Variants in FAM13B observed in about 807,000 individuals in gnomAD.
FAM13B encodes the protein family with sequence similarity 13 member B, also known as protein FAM13B.
A neutral mutation model predicts 117.3 loss-of-function variants in FAM13B; 60 were observed. The ratio of observed to expected loss-of-function variants is 0.51; its 90% confidence interval spans 0.42 to 0.63. The LOEUF (loss-of-function observed/expected upper bound fraction) is 0.63. Ranked by LOEUF, FAM13B falls within the 30% of genes least tolerant of loss-of-function variation. The pLI is 0.00. For missense variants in FAM13B, 972 were observed against 1,091.9 expected (o/e 0.89, Z 1.55); for synonymous variants, 332 against 356.1 (o/e 0.93, Z 0.76).
At chr5:137,960,115 G>A (rs368746354) in intron 12 of FAM13B, 51 bp downstream of exon 12, 56 of 1,125,578 alleles carry the variant, frequency 5.0e-5, no homozygotes, top group Admixed American at 1.8e-4. Context: ...AGACATAACA[G>A]TTTAAACCTA....
At position 137,987,521 on chromosome 5, in the gene FAM13B, C is replaced by T; in HGVS notation, c.986G>A (p.Ser329Asn). 1 of 1,613,524 alleles carries T rather than the reference C, an allele frequency of 6.2e-7. No individual in the cohort carries two copies. Among genetic ancestry groups the T allele is most frequent in the South Asian group, 1.1e-5 (1 of 91,022 alleles). Residue 329 changes from serine (S) to asparagine (N), a missense_variant, in exon 9 of 24, where the codon AGT becomes AAT. Transcript: ENST00000689681. Reference sequence around the variant, plus strand: ...TTCTGCTTCATTATTACACACCACACTTTGCTGTTGTAAATTCTTAAGATC... The same window carrying T: ...TTCTGCTTCATTATTACACACCACATTTTGCTGTTGTAAATTCTTAAGATC... Reference protein sequence around the residue: ...DHDLKNLQQQSVVCNNEAESI... With the variant: ...DHDLKNLQQQNVVCNNEAESI...
chr5:138,028,091 C>G (rs1788913264), intron 1 of FAM13B, among the ~76,000 whole-genome samples: 1 of 152,200 alleles, frequency 6.6e-6, no homozygotes, highest in South Asian at 2.1e-4. Flanking sequence ...TAAGTTCATA[C>G]TGGCTTGGCC....
At chr5:137,986,434 C>A (rs1172154041) in intron 9 of FAM13B, among the ~76,000 whole-genome samples, 2 of 56,604 alleles carry the variant, frequency 3.5e-5, no homozygotes, top group East Asian at 4.5e-3. Flanking sequence ...CTTCCCCCCC[C>A]CAAAAAAAAT....
At chr5:137,993,958 G>A (rs971165962) in intron 7 of FAM13B, among the ~76,000 whole-genome samples, 4 of 152,070 alleles carry the variant, frequency 2.6e-5, no homozygotes, top group Non-Finnish European at 5.9e-5. Flanking sequence ...ACTGGCCTAG[G>A]TCTATATCCA....
At chr5:138,035,466 C>T (rs1237840251), upstream of FAM13B, among the ~76,000 whole-genome samples, 1 of 152,158 alleles carries the variant, frequency 6.6e-6, no homozygotes, top group Non-Finnish European at 1.5e-5. Context: ...GTATGTTCAA[C>T]ATAGGGGCCA....
chr5:137,941,240 A>T (rs1039798965), intron 23 of FAM13B, among the ~76,000 whole-genome samples: 2 of 151,858 alleles, frequency 1.3e-5, no homozygotes, highest in Non-Finnish European at 2.9e-5. Flanking sequence ...ATATGTGCCA[A>T]CCTATATAGG....
intron 1 of FAM13B, among the ~76,000 whole-genome samples, chr5:138,040,132 C>T (rs554138159): frequency 7.2e-5 from 11 of 151,758 alleles, no homozygotes; most frequent in African/African-American, 2.2e-4. Flanking sequence ...GGCGTAGTGG[C>T]GCATGCCTGT....
chr5:137,977,587 G>T (rs550626730), intron 10 of FAM13B, among the ~76,000 whole-genome samples: 2 of 152,276 alleles, frequency 1.3e-5, no homozygotes, highest in East Asian at 1.9e-4. Flanking sequence ...AAATAGAAAA[G>T]AACCTACATG....
At chr5:137,992,512 T>A (rs1778868759) in intron 7 of FAM13B, among the ~76,000 whole-genome samples, 2 of 152,014 alleles carry the variant, frequency 1.3e-5, no homozygotes, top group South Asian at 4.1e-4. Context: ...GGGAATCACT[T>A]GAACCCGGGA....
At chr5:138,014,479 G>C (rs1784803738) in intron 4 of FAM13B, among the ~76,000 whole-genome samples, 1 of 152,228 alleles carries the variant, frequency 6.6e-6, no homozygotes, top group African/African-American at 2.4e-5. Flanking sequence ...GATGCCTAAT[G>C]ATCTGAGTTG....
Position 137,996,330 on chromosome 5 carries a change from G to A in FAM13B, c.849-8015C>T, listed in dbSNP as rs1236234680. The stretch of plus-strand genomic sequence containing the variant: ...TTTTTTTTGTATTTTTAGTAGAGAC[G>A]GGGTTTCACCACGTTAGCCAGGATG... On this transcript the variant is annotated intron_variant, in intron 7 of 23. Transcript: ENST00000689681. Among the ~76,000 whole-genome samples, 4 of 151,712 alleles carry A rather than the reference G, an allele frequency of 2.6e-5. No homozygotes were observed. The East Asian group carries it at 5.8e-4, about 22-fold the overall frequency.
chr5:138,023,631 G>A (rs1205548422), intron 1 of FAM13B, among the ~76,000 whole-genome samples: 1 of 151,976 alleles, frequency 6.6e-6, no homozygotes, highest in Non-Finnish European at 1.5e-5. Context: ...TGGCATATGC[G>A]ATCACAGCTC....
rs1777541778 is a variant in FAM13B at position 137,987,516 on chromosome 5, C to A, written c.991G>T (p.Val331Leu). 3.1e-6 allele frequency: 5 copies of A among 1,613,472 alleles called. No individual in the cohort carries two copies. The East Asian group carries it at 8.9e-5, about 29-fold the overall frequency. The change falls in exon 9 of 24, where the codon GTG (valine) becomes TTG (leucine). Residue 331 changes from valine (V) to leucine (L), a missense_variant. Val to Leu is a conservative substitution (Grantham distance 32, BLOSUM62 1). Transcript: ENST00000689681. ...DLKNLQQQSV[V>L]CNNEAESIHC... Reference sequence around the variant, plus strand: ...ATACTTTCTGCTTCATTATTACACACCACACTTTGCTGTTGTAAATTCTTA... The same window carrying A: ...ATACTTTCTGCTTCATTATTACACAACACACTTTGCTGTTGTAAATTCTTA...
At chr5:138,017,054 T>TA (rs956790473) in intron 4 of FAM13B, among the ~76,000 whole-genome samples, 1 of 152,136 alleles carries the variant, frequency 6.6e-6, no homozygotes, top group Non-Finnish European at 1.5e-5. Context: ...GGAGAAAAAT[T>TA]AAAGTGATGC....
rs1465557332 is a variant in FAM13B, at chr5:138,005,162, G to A, written c.848+1828C>T. Among the ~76,000 whole-genome samples, 8 of 152,212 alleles carry A rather than the reference G, an allele frequency of 5.3e-5. No individual in the cohort carries two copies. The South Asian group carries it at 6.2e-4, about 12-fold the overall frequency. Reference sequence around the variant, plus strand: ...TAAGGCATGAGAATCACTTGAACCCGGGAGACAGAGGTTGCAGTGAGCCGA... The same window carrying A: ...TAAGGCATGAGAATCACTTGAACCCAGGAGACAGAGGTTGCAGTGAGCCGA... On this transcript the variant is annotated intron_variant, in intron 7 of 23. Coordinates refer to ENST00000689681, the MANE Select transcript of FAM13B (RefSeq NM_001385994.1).
chr5:138,016,695 T>C (rs1205525609), intron 4 of FAM13B, among the ~76,000 whole-genome samples: 1 of 152,118 alleles, frequency 6.6e-6, no homozygotes, highest in Non-Finnish European at 1.5e-5. Flanking sequence ...GAAAAATAAA[T>C]AGCTTCTGAT....
At chr5:137,979,005 A>G (rs886721158) in intron 10 of FAM13B, among the ~76,000 whole-genome samples, 1 of 147,260 alleles carries the variant, frequency 6.8e-6, no homozygotes, top group African/African-American at 2.5e-5. Flanking sequence ...TAGGGCTCAC[A>G]GTTCAGACTT....
At chr5:138,007,684 A>G (rs1334928308) in intron 6 of FAM13B, among the ~76,000 whole-genome samples, 4 of 149,244 alleles carry the variant, frequency 2.7e-5, no homozygotes, top group Non-Finnish European at 6.0e-5. Flanking sequence ...ATAACAAGGA[A>G]GAACTCATAT....
chr5:137,985,676 G>A (rs1432797279), intron 9 of FAM13B, among the ~76,000 whole-genome samples: 1 of 150,484 alleles, frequency 6.6e-6, no homozygotes, highest in East Asian at 1.9e-4. Context: ...CATTTCCCTT[G>A]TAAATGCACA....
Sources: gnomAD v4.1 joint callset for allele counts (sites outside exome capture counted in the v4.1 genomes callset) on GRCh38, gnomAD v4.1.1 for gene constraint, MANE v1.5 for transcripts, NCBI Gene and HGNC (gene_info 2026-07-23, HGNC 2026-07-21) for gene names.